The following LRFN5 variants were observed in gnomAD, a reference collection of about 807,000 sequenced individuals.
LRFN5 encodes the protein leucine rich repeat and fibronectin type III domain containing 5.
LRFN5 carries 24 observed loss-of-function variants against 45.6 expected under a neutral mutation model. The observed-to-expected ratio is 0.53, with a 90% confidence interval of 0.38 to 0.74. The LOEUF is 0.74. Ranked by LOEUF, LRFN5 falls within the 30% of genes least tolerant of loss-of-function variation. The pLI, the probability that LRFN5 is intolerant of heterozygous loss-of-function variation, is 0.00. For synonymous variants in LRFN5, 340 were observed against 313.8 expected, an observed-to-expected ratio of 1.08 and a Z score of -0.88; for missense variants, 776 against 861.5, an observed-to-expected ratio of 0.90 and a Z score of 1.24.
intron 2 of LRFN5, among the ~76,000 whole-genome samples, chr14:41,859,980 G>A (rs1889606075): frequency 6.6e-6 from 1 of 152,072 alleles, no homozygotes; most frequent in East Asian, 1.9e-4. Context: ...AAGACATGTG[G>A]AGTATACTTG....
chr14:41,891,878 A>G lies in LRFN5; in HGVS notation c.2014A>G (p.Asn672Asp), dbSNP rs577164566. The G allele has an allele frequency of 1.9e-6, 3 of 1,614,216 alleles. No homozygotes were observed. The highest frequency in any genetic ancestry group is 1.7e-6 in the Non-Finnish European group (2 of 1,180,044). ...TGAATCCCAAAACACTAACAGGAACAACTCAACTGCCTTGCAGTTAGCTAG... is the reference window on the plus strand; with the variant it reads ...TGAATCCCAAAACACTAACAGGAACGACTCAACTGCCTTGCAGTTAGCTAG... ...NVESQNTNRN[N>D]STALQLASRP... The change falls in exon 4 of 6, where the codon AAC becomes GAC. Residue 672 changes from asparagine (N) to aspartate (D), a missense_variant. Physicochemically the swap from Asn to Asp is conservative, Grantham distance 23 (BLOSUM62 1). Transcript: ENST00000298119.
intron 2 of LRFN5, among the ~76,000 whole-genome samples, chr14:41,789,908 T>A (rs1404956104): frequency 6.6e-6 from 1 of 151,626 alleles, no homozygotes; most frequent in African/African-American, 2.4e-5. Flanking sequence ...TATGAGTGAT[T>A]TTCCTGTAAT....
chr14:41,639,004 G>C (rs1311287556), intron 1 of LRFN5, among the ~76,000 whole-genome samples: 4 of 151,916 alleles, frequency 2.6e-5, no homozygotes, highest in African/African-American at 9.7e-5. Context: ...GAAAAGGTTG[G>C]TGTCATTATA....
intron 1 of LRFN5, among the ~76,000 whole-genome samples, chr14:41,706,331 C>T (rs1343094918): frequency 6.6e-6 from 1 of 152,170 alleles, no homozygotes; most frequent in African/African-American, 2.4e-5. Context: ...AACTCCCGAC[C>T]TCGGGTGATC....
chr14:41,801,605 T>C (rs73319034), intron 2 of LRFN5, among the ~76,000 whole-genome samples: 1,706 of 152,260 alleles, frequency 0.011, 30 homozygotes, highest in African/African-American at 0.039. Context: ...CCTGTTTACT[T>C]CTCTACAAGA....
At chr14:41,873,921 T>C (rs1025014759) in intron 2 of LRFN5, among the ~76,000 whole-genome samples, 5 of 152,190 alleles carry the variant, frequency 3.3e-5, no homozygotes, top group African/African-American at 1.2e-4. Flanking sequence ...AGTGGATAGT[T>C]TGATATCTCT....
intron 2 of LRFN5, among the ~76,000 whole-genome samples, chr14:41,844,298 G>A (rs921354469): frequency 1.2e-4 from 18 of 151,878 alleles, no homozygotes; most frequent in East Asian, 1.9e-4. Flanking sequence ...TTAGCCAGGC[G>A]TGGTGGTGGG....
At chr14:41,740,439 CAT>C (rs1884641900) in intron 1 of LRFN5, among the ~76,000 whole-genome samples, 1 of 151,690 alleles carries the variant, frequency 6.6e-6, no homozygotes, top group Non-Finnish European at 1.5e-5. Flanking sequence ...AGAAGAAAAT[CAT>C]ATGATACAGA....
intron 1 of LRFN5, among the ~76,000 whole-genome samples, chr14:41,726,544 T>TGTGC (rs1883942453): frequency 1.3e-5 from 2 of 152,136 alleles, no homozygotes; most frequent in African/African-American, 4.8e-5. Context: ...TGAAGACCAA[T>TGTGC]GTGCCTCTGA....
intron 2 of LRFN5, among the ~76,000 whole-genome samples, chr14:41,791,497 T>C (rs560503183): frequency 5.3e-5 from 8 of 152,070 alleles, no homozygotes; most frequent in Non-Finnish European, 1.2e-4. Context: ...TTCCATATGA[T>C]GTATTTTGTC....
rs372768870 is a variant in LRFN5 at position 41,888,202 on chromosome 14, G to T, written c.1385+192G>T. 2.1e-3 allele frequency among the ~76,000 whole-genome samples: 315 copies of T among 152,068 alleles called. 2 individuals carry two copies. The highest frequency in any genetic ancestry group is 7.3e-3 in the African/African-American group (303 of 41,484). ...ATTTTGAATGGTATTTTTTTAGAGA[G>T]TTCAATTTATATTTAATATTATGCT... On this transcript the variant is annotated intron_variant, in intron 3 of 5. Transcript: ENST00000298119.
intron 2 of LRFN5, among the ~76,000 whole-genome samples, chr14:41,830,690 C>A (rs951633876): frequency 6.6e-6 from 1 of 152,042 alleles, no homozygotes; most frequent in African/African-American, 2.4e-5. Context: ...ACCTGAGCTG[C>A]AGGGAAGCTG....
At position 41,891,250 on chromosome 14, in the gene LRFN5, AATG is replaced by A; in HGVS notation, c.1389_1391del (p.Met463del). On this transcript the variant is annotated inframe_deletion and splice_region_variant, in exon 4 of 6. Transcript: ENST00000298119. ...TAACACAAATTCCATTGTCCCTCAG[AATG>A]ATACCTCCTACGAGCAAAACTTTTC... is the stretch of plus-strand genomic sequence containing the variant. The A allele has an allele frequency of 6.2e-7, 1 of 1,611,938 alleles. No individual in the cohort carries two copies. The highest frequency in any genetic ancestry group is 8.5e-7 in the Non-Finnish European group (1 of 1,179,536).
At chr14:41,856,660 A>ATTG (rs137960932) in intron 2 of LRFN5, among the ~76,000 whole-genome samples, 5 of 6,944 alleles carry the variant, frequency 7.2e-4, no homozygotes, top group Non-Finnish European at 1.4e-3. Context: ...TTCTTTCCTA[A>ATTG]TTATTATTAT....
intron 2 of LRFN5, among the ~76,000 whole-genome samples, chr14:41,875,422 T>C (rs150527347): frequency 1.3e-5 from 2 of 152,240 alleles, no homozygotes; most frequent in Admixed American, 1.3e-4. Flanking sequence ...AGAACACATT[T>C]ACCTTCACAG....
chr14:41,666,770 A>G (rs994510354), intron 1 of LRFN5, among the ~76,000 whole-genome samples: 2 of 152,130 alleles, frequency 1.3e-5, no homozygotes, highest in Non-Finnish European at 1.5e-5. Flanking sequence ...CTCTTCAGCC[A>G]TTTCTCACTG....
intron 1 of LRFN5, among the ~76,000 whole-genome samples, chr14:41,677,380 TAC>T (rs1881682114): frequency 1.3e-5 from 2 of 151,812 alleles, no homozygotes; most frequent in African/African-American, 4.8e-5. Context: ...CACACACACA[TAC>T]ACACACATCA....
chr14:41,742,525 A>G (rs1161612035), intron 1 of LRFN5: 1 of 152,174 alleles, frequency 6.6e-6, no homozygotes, highest in African/African-American at 2.4e-5. Flanking sequence ...TTAGGTCCCA[A>G]CTTCAGCTGC....
chr14:41,753,581 G>A (rs1177123783), intron 1 of LRFN5, among the ~76,000 whole-genome samples: 2 of 152,100 alleles, frequency 1.3e-5, no homozygotes, highest in African/African-American at 4.8e-5. Flanking sequence ...TGTTATTGGT[G>A]TATAAGAATG....
Sources: gnomAD v4.1 joint callset for allele counts (sites outside exome capture counted in the v4.1 genomes callset) on GRCh38, gnomAD v4.1.1 for gene constraint, MANE v1.5 for transcripts, NCBI Gene and HGNC (gene_info 2026-07-23, HGNC 2026-07-21) for gene names.